Variants in SEMA3A observed in about 807,000 individuals in gnomAD.
SEMA3A encodes semaphorin 3A.
Under a neutral mutation model 97.9 loss-of-function variants are expected in SEMA3A, and 29 were observed. The ratio of observed to expected loss-of-function variants is 0.30; its 90% CI spans 0.22 to 0.40. SEMA3A has a LOEUF of 0.40. SEMA3A is among the 10% of genes least tolerant of loss of function. The pLI, the probability that SEMA3A is intolerant of heterozygous loss-of-function variation, is 1.00. For synonymous variants in SEMA3A, 321 were observed against 323.7 expected (o/e 0.99, Z 0.09); for missense variants, 763 against 951.3 (o/e 0.80, Z 2.60).
intron 3 of SEMA3A, among the ~76,000 whole-genome samples, chr7:84,127,010 A>C (rs535350542): frequency 4.9e-4 from 75 of 152,162 alleles, no homozygotes; most frequent in Non-Finnish European, 9.4e-4. Context: ...TTGATAGAAG[A>C]ACACACTTTT....
intron 1 of SEMA3A, among the ~76,000 whole-genome samples, chr7:84,392,197 C>T (rs1803598860): frequency 5.3e-5 from 8 of 151,996 alleles, no homozygotes. Flanking sequence ...CTAAAACAAA[C>T]AAATTTATTC....
At chr7:84,227,468 C>A (rs1307481508) in intron 3 of SEMA3A, among the ~76,000 whole-genome samples, 4 of 151,916 alleles carry the variant, frequency 2.6e-5, no homozygotes, top group African/African-American at 9.7e-5. Context: ...AAATGCATTT[C>A]AATGAAATAG....
intron 3 of SEMA3A, among the ~76,000 whole-genome samples, chr7:84,202,159 C>A (rs995296650): frequency 6.6e-6 from 1 of 151,980 alleles, no homozygotes; most frequent in Non-Finnish European, 1.5e-5. Context: ...TAGAATTGTA[C>A]AACATGGCAA....
At chr7:84,147,482 G>A (rs1406895526) in intron 1 of SEMA3A, among the ~76,000 whole-genome samples, 3 of 152,104 alleles carry the variant, frequency 2.0e-5, no homozygotes, top group African/African-American at 7.2e-5. Context: ...TTTTTTATGT[G>A]AGGCAAGCAT....
intron 1 of SEMA3A, among the ~76,000 whole-genome samples, chr7:84,165,044 C>CAAA (rs143335513): frequency 6.6e-6 from 1 of 152,108 alleles, no homozygotes; most frequent in Middle Eastern, 3.4e-3. Context: ...CCCGTCACTA[C>CAAA]AAAAAATACA....
intron 1 of SEMA3A, among the ~76,000 whole-genome samples, chr7:84,168,879 T>A (rs570550507): frequency 6.6e-6 from 1 of 151,960 alleles, no homozygotes; most frequent in East Asian, 1.9e-4. Flanking sequence ...ATAGTTTAAA[T>A]TTCTTTTCTA....
At chr7:84,171,907 T>C (rs1797394140) in intron 1 of SEMA3A, among the ~76,000 whole-genome samples, 1 of 152,182 alleles carries the variant, frequency 6.6e-6, no homozygotes, top group Non-Finnish European at 1.5e-5. Flanking sequence ...TCAAACCATA[T>C]CAGGCTGCTT....
At chr7:84,466,357 G>C (rs1805997361) in intron 1 of SEMA3A, among the ~76,000 whole-genome samples, 1 of 152,038 alleles carries the variant, frequency 6.6e-6, no homozygotes, top group African/African-American at 2.4e-5. Flanking sequence ...ATTTTTAGTA[G>C]AGACAGGGTT....
chr7:84,080,962 A>C (rs1794130233), intron 4 of SEMA3A, among the ~76,000 whole-genome samples: 1 of 152,106 alleles, frequency 6.6e-6, no homozygotes, highest in Non-Finnish European at 1.5e-5. Context: ...ACACATACAA[A>C]AATATGAAAA....
chr7:83,998,816 A>T (rs1158834194), intron 12 of SEMA3A, among the ~76,000 whole-genome samples: 2 of 152,152 alleles, frequency 1.3e-5, no homozygotes, highest in African/African-American at 2.4e-5. Flanking sequence ...TTTTGTTAAA[A>T]ATGAAGACAC....
At chr7:84,140,932 A>C (rs1237737904) in intron 1 of SEMA3A, among the ~76,000 whole-genome samples, 1 of 152,190 alleles carries the variant, frequency 6.6e-6, no homozygotes, top group Non-Finnish European at 1.5e-5. Context: ...CAAAAACATG[A>C]ACAACGAATA....
intron 1 of SEMA3A, among the ~76,000 whole-genome samples, chr7:84,482,864 GT>G (rs11396239): frequency 7.5e-4 from 105 of 139,816 alleles, no homozygotes; most frequent in Middle Eastern, 3.7e-3. Flanking sequence ...CAAAATTCTA[GT>G]TTTTTTTTTT....
intron 1 of SEMA3A, among the ~76,000 whole-genome samples, chr7:84,439,079 G>C (rs1161864036): frequency 6.6e-6 from 1 of 151,422 alleles, no homozygotes; most frequent in African/African-American, 2.4e-5. Context: ...TACATACATT[G>C]ACTACTCTGC....
intron 3 of SEMA3A, among the ~76,000 whole-genome samples, chr7:84,223,455 A>C (rs2116341125): frequency 6.6e-6 from 1 of 152,028 alleles, no homozygotes; most frequent in East Asian, 1.9e-4. Flanking sequence ...TCTTACTGAT[A>C]GAATCTCTTT....
intron 6 of SEMA3A, among the ~76,000 whole-genome samples, chr7:84,028,515 T>C (rs1165793475): frequency 6.6e-6 from 1 of 152,232 alleles, no homozygotes; most frequent in Non-Finnish European, 1.5e-5. Flanking sequence ...TAACATTTTA[T>C]AATTCAATAG....
At chr7:84,397,874 G>T (rs568544821) in intron 1 of SEMA3A, among the ~76,000 whole-genome samples, 2 of 152,078 alleles carry the variant, frequency 1.3e-5, no homozygotes, top group East Asian at 3.9e-4. Context: ...CTGGGAGAGT[G>T]ACAAATAGGC....
intron 1 of SEMA3A, among the ~76,000 whole-genome samples, chr7:84,135,848 A>G (rs1451365658): frequency 2.0e-5 from 3 of 152,224 alleles, no homozygotes; most frequent in African/African-American, 7.2e-5. Flanking sequence ...CATGAATTAA[A>G]TTAATTTTAC....
At chr7:84,490,760 C>T (rs887346242) in intron 1 of SEMA3A, among the ~76,000 whole-genome samples, 1 of 152,102 alleles carries the variant, frequency 6.6e-6, no homozygotes, top group South Asian at 2.1e-4. Flanking sequence ...TGAGGTCCAG[C>T]CTTTGAAATC....
At chr7:84,477,046 T>C (rs1296324176) in intron 1 of SEMA3A, among the ~76,000 whole-genome samples, 1 of 147,604 alleles carries the variant, frequency 6.8e-6, no homozygotes, top group East Asian at 2.0e-4. Context: ...TGGTAGAGTA[T>C]ATGCCATGTG....
Sources: gnomAD v4.1 joint callset for allele counts (sites outside exome capture counted in the v4.1 genomes callset) on GRCh38, gnomAD v4.1.1 for gene constraint, MANE v1.5 for transcripts, NCBI Gene and HGNC (gene_info 2026-07-23, HGNC 2026-07-21) for gene names.